SOX5: variants seen among roughly 807,000 people sequenced by gnomAD.
The protein encoded by SOX5 is transcription factor SOX-5.
A neutral mutation model predicts 92.0 loss-of-function variants in SOX5; 9 were observed. That is an observed-to-expected ratio of 0.10 (90% CI 0.06 to 0.17). The LOEUF is 0.17. Among genes scored for constraint, SOX5 ranks in the 10% least tolerant of loss-of-function variants. The pLI is 1.00. For missense variants in SOX5, 642 were observed against 944.5 expected (o/e 0.68, Z 4.20); for synonymous variants, 344 against 336.3 (o/e 1.02, Z -0.25).
rs377274870 is a variant in SOX5, at chr12:23,532,360, G to GAGAT, written c.*1855_*1858dup. The GAGAT allele has an allele frequency of 2.0e-5, 3 of 152,238 alleles. No individual in the cohort carries two copies. Among genetic ancestry groups the GAGAT allele is most frequent in the Non-Finnish European group, 2.9e-5 (2 of 68,026 alleles). 9.4% of individuals were successfully genotyped at this position (152,238 alleles called of 1,614,324 possible). On this transcript the variant is annotated 3_prime_UTR_variant, in exon 15 of 15. Coordinates refer to ENST00000451604, the MANE Select transcript of SOX5 (RefSeq NM_006940.6). ...ACTTTAGGGTGGTGTTTCGGGGGGT[G>GAGAT]AGATAGGAAAATGATGACTGGAGTG...
chr12:24,009,265 G>A (rs1952649576), intron 4 of SOX5, among the ~76,000 whole-genome samples: 1 of 152,164 alleles, frequency 6.6e-6, no homozygotes, highest in African/African-American at 2.4e-5. Flanking sequence ...TAAATTGTTT[G>A]TTTAAGCCTC....
chr12:23,805,060 A>C (rs1203465835), intron 3 of SOX5, among the ~76,000 whole-genome samples: 1 of 149,748 alleles, frequency 6.7e-6, no homozygotes, highest in African/African-American at 2.5e-5. Context: ...TTGCATGACT[A>C]GACGTTTTTT....
intron 1 of SOX5, among the ~76,000 whole-genome samples, chr12:24,496,671 C>A (rs1947672683): frequency 6.6e-6 from 1 of 152,154 alleles, no homozygotes; most frequent in Non-Finnish European, 1.5e-5. Context: ...ATAAACCACA[C>A]CCTCAATGGG....
chr12:24,311,914 C>A (rs968954948), intron 2 of SOX5, among the ~76,000 whole-genome samples: 2 of 152,004 alleles, frequency 1.3e-5, no homozygotes, highest in African/African-American at 4.8e-5. Flanking sequence ...TCATCCTAGG[C>A]AAATATTTAA....
Position 24,309,880 on chromosome 12 carries a change from T to C in SOX5, c.-173-32568A>G, listed in dbSNP as rs192212310. On this transcript the variant is annotated intron_variant, in intron 2 of 4. Coordinates refer to the SOX5 transcript ENST00000446891. Reference sequence around the variant, plus strand: ...ACAAGTTCTTAACATGCCCTATCAGTACTAGTTCCAGTAGTTGATTCAGAA... The same window carrying C: ...ACAAGTTCTTAACATGCCCTATCAGCACTAGTTCCAGTAGTTGATTCAGAA... Among the ~76,000 whole-genome samples the C allele has an allele frequency of 2.7e-4, 41 of 152,342 alleles. No individual in the cohort carries two copies. In the East Asian group the frequency reaches 7.3e-3, roughly 27 times the overall value.
At position 24,074,692 on chromosome 12, in the gene SOX5, A is replaced by G. The variant is rs546777449; in HGVS notation, c.-2+138651T>C. On this transcript the variant is annotated intron_variant, in intron 4 of 4. Transcript: ENST00000446891. ...TTTAAGTCTTAATTTTTTCACATGA[A>G]CAAAATTTGTATGTGTTAAAGAAAA... 1.7e-3 allele frequency among the ~76,000 whole-genome samples: 255 copies of G among 150,578 alleles called. 1 individual carries two copies. The highest frequency in any genetic ancestry group is 2.7e-3 in the Non-Finnish European group (183 of 67,672).
chr12:24,384,272 C>A (rs908271180), intron 1 of SOX5, among the ~76,000 whole-genome samples: 1 of 152,190 alleles, frequency 6.6e-6, no homozygotes, highest in East Asian at 1.9e-4. Flanking sequence ...TGCGCTCCTA[C>A]AAGAGTCTAG....
At chr12:24,269,360 G>T (rs548127307) in intron 3 of SOX5, among the ~76,000 whole-genome samples, 1 of 152,254 alleles carries the variant, frequency 6.6e-6, no homozygotes, top group Admixed American at 6.5e-5. Context: ...TGTTAACACA[G>T]AAAGAGATAA....
chr12:23,960,511 A>G (rs1240532562), intron 4 of SOX5, among the ~76,000 whole-genome samples: 1 of 99,176 alleles, frequency 1.0e-5, no homozygotes, highest in Non-Finnish European at 2.0e-5. Context: ...ATATATTTAT[A>G]TACATATATA....
intron 3 of SOX5, among the ~76,000 whole-genome samples, chr12:24,264,248 A>T (rs978053213): frequency 6.6e-6 from 1 of 152,202 alleles, no homozygotes; most frequent in Admixed American, 6.5e-5. Flanking sequence ...TTTGCTATTT[A>T]AGGATAAATC....
At chr12:24,061,834 C>G (rs1157505551) in intron 4 of SOX5, among the ~76,000 whole-genome samples, 1 of 151,582 alleles carries the variant, frequency 6.6e-6, no homozygotes, top group African/African-American at 2.4e-5. Context: ...TCCAGAGGAA[C>G]TGTTGTGAGC....
At chr12:23,596,954 GT>G (rs1286723222) in intron 9 of SOX5, among the ~76,000 whole-genome samples, 3 of 152,082 alleles carry the variant, frequency 2.0e-5, no homozygotes, top group African/African-American at 7.2e-5. Flanking sequence ...AACGACTTAG[GT>G]TTTAACTACC....
chr12:24,108,518 C>CT (rs1946948620), intron 4 of SOX5, among the ~76,000 whole-genome samples: 1 of 152,070 alleles, frequency 6.6e-6, no homozygotes, highest in South Asian at 2.1e-4. Flanking sequence ...AGTTAACTCT[C>CT]TAATTATTTG....
At chr12:24,126,254 T>C (rs1002577986) in intron 4 of SOX5, among the ~76,000 whole-genome samples, 21 of 152,154 alleles carry the variant, frequency 1.4e-4, no homozygotes, top group African/African-American at 5.1e-4. Context: ...TCTCCCTGTA[T>C]CCTTATAGCA....
At chr12:24,429,293 G>A (rs1396900811) in intron 1 of SOX5, among the ~76,000 whole-genome samples, 1 of 151,800 alleles carries the variant, frequency 6.6e-6, no homozygotes, top group African/African-American at 2.4e-5. Context: ...CTCCAGCCTG[G>A]GGGACAGAGC....
intron 1 of SOX5, among the ~76,000 whole-genome samples, chr12:23,916,388 G>A (rs559266443): frequency 1.1e-4 from 17 of 152,096 alleles, no homozygotes; most frequent in Non-Finnish European, 1.6e-4. Flanking sequence ...ATTTCTGCAG[G>A]CTATCAGCAA....
intron 4 of SOX5, among the ~76,000 whole-genome samples, chr12:24,022,744 G>C (rs904248717): frequency 2.0e-5 from 3 of 152,086 alleles, no homozygotes; most frequent in African/African-American, 7.2e-5. Context: ...CTCTTAGCAA[G>C]AGGAGAGCCA....
chr12:24,096,616 TAAAATGTGCC>T, intron 4 of SOX5, among the ~76,000 whole-genome samples: 2 of 152,372 alleles, frequency 1.3e-5, no homozygotes, highest in Admixed American at 1.3e-4. Context: ...ATCCTTGTTG[TAAAATGTGCC>T]AAAATTCCCT....
chr12:24,524,419 C>T (rs558392391), intron 1 of SOX5, among the ~76,000 whole-genome samples: 6 of 152,098 alleles, frequency 3.9e-5, no homozygotes, highest in Admixed American at 6.5e-5. Context: ...ATCCATCCTA[C>T]TGCTTCTGTC....
Sources: allele counts gnomAD v4.1 joint callset (sites outside exome capture counted in the v4.1 genomes callset), GRCh38; gene constraint gnomAD v4.1.1; transcripts MANE v1.5; gene names NCBI Gene and HGNC (gene_info 2026-07-23, HGNC 2026-07-21).